The following MLLT3 variants were observed in gnomAD, a reference collection of about 807,000 sequenced individuals.
MLLT3 encodes MLLT3 super elongation complex subunit, also known as protein AF-9.
A neutral mutation model predicts 53.2 loss-of-function variants in MLLT3; 4 were observed. The observed-to-expected ratio is 0.08, with a 90% CI of 0.04 to 0.17. The LOEUF is 0.17. Ranked by LOEUF, MLLT3 falls within the 10% of genes least tolerant of loss-of-function variation. MLLT3 has a pLI of 1.00. For synonymous variants in MLLT3, 283 were observed against 230.6 expected, an observed-to-expected ratio of 1.23 and a Z score of -2.06; for missense variants, 569 against 684.0, an observed-to-expected ratio of 0.83 and a Z score of 1.87.
At chr9:20,580,132 T>C (rs892807560) in intron 2 of MLLT3, among the ~76,000 whole-genome samples, 1 of 152,180 alleles carries the variant, frequency 6.6e-6, no homozygotes, top group East Asian at 1.9e-4. Context: ...ATCTTAGTCA[T>C]TCACACAGGC....
intron 2 of MLLT3, among the ~76,000 whole-genome samples, chr9:20,557,305 CTGGT>C (rs1819086026): frequency 6.6e-6 from 1 of 151,988 alleles, no homozygotes; most frequent in Non-Finnish European, 1.5e-5. Context: ...AGCAGGTTAC[CTGGT>C]TTCAAAATCT....
chr9:20,348,946 T>G (rs1158961308), intron 10 of MLLT3, among the ~76,000 whole-genome samples: 3 of 151,496 alleles, frequency 2.0e-5, no homozygotes, highest in Non-Finnish European at 4.4e-5. Flanking sequence ...TCTGGAATAA[T>G]TTTTTTTTGC....
intron 2 of MLLT3, among the ~76,000 whole-genome samples, chr9:20,590,427 A>G (rs1344154526): frequency 6.6e-6 from 1 of 152,202 alleles, no homozygotes; most frequent in African/African-American, 2.4e-5. Context: ...TGATTAGACC[A>G]TGGGGGCAGT....
Position 20,448,097 on chromosome 9 carries a change from G to A in MLLT3, c.420+26C>T. On this transcript the variant is annotated intron_variant, in intron 4 of 10. Transcript: ENST00000380338. This position sits in a 1 kb window ranked among gnomAD's most constrained non-coding sequence, Gnocchi z 4.0. ...GTTGTTGTTGTTTTTTAATAGGAAT[G>A]CTTTTCACAAGAGAGTGCCACTTAC... 1 of 1,578,746 alleles carries A rather than the reference G, an allele frequency of 6.3e-7. No individual in the cohort carries two copies. Among genetic ancestry groups the A allele is most frequent in the Non-Finnish European group, 8.6e-7 (1 of 1,164,078 alleles).
chr9:20,341,703 G>A lies in MLLT3; in HGVS notation c.*4740C>T, dbSNP rs1175247524. ...AAACTGAATGTATTTTATTCTCTTT[G>A]TTGTAGTAGTTGTTCTCCTTCCTGT... On this transcript the variant is annotated 3_prime_UTR_variant, in exon 11 of 11. Coordinates refer to ENST00000380338, the MANE Select transcript of MLLT3 (RefSeq NM_004529.4). 4.4e-5 allele frequency: 8 copies of A among 183,402 alleles called. No homozygotes were observed. In the East Asian group the frequency reaches 7.1e-4, roughly 16 times the overall value. 11.4% of individuals were successfully genotyped at this position (183,402 alleles called of 1,614,324 possible). A position where few individuals can be genotyped will look rare whatever the true frequency, so the allele number is the denominator to read the frequency against.
At chr9:20,586,344 T>G (rs1226735168) in intron 2 of MLLT3, among the ~76,000 whole-genome samples, 1 of 144,740 alleles carries the variant, frequency 6.9e-6, no homozygotes, top group Non-Finnish European at 1.5e-5. Context: ...GTAATATGGA[T>G]GGGTATGGAT....
At chr9:20,455,892 G>A (rs560046836) in intron 3 of MLLT3, among the ~76,000 whole-genome samples, 1 of 148,170 alleles carries the variant, frequency 6.7e-6, no homozygotes, top group South Asian at 2.1e-4. Context: ...GTATTATACA[G>A]TCTGTGTGTT....
chr9:20,491,936 C>G (rs528333801), intron 2 of MLLT3, among the ~76,000 whole-genome samples: 2 of 151,964 alleles, frequency 1.3e-5, no homozygotes, highest in African/African-American at 4.8e-5. Flanking sequence ...TAAACCAACC[C>G]TGGAATTCCA....
chr9:20,354,772 T>C, intron 9 of MLLT3, 36 bp downstream of exon 9: 1 of 1,342,736 alleles, frequency 7.4e-7, no homozygotes. Context: ...GGCTTGTCAG[T>C]GTTGGAGCCC....
intron 2 of MLLT3, among the ~76,000 whole-genome samples, chr9:20,533,644 A>G (rs1818401101): frequency 6.6e-6 from 1 of 152,256 alleles, no homozygotes; most frequent in South Asian, 2.1e-4. Context: ...TAGCCAAGAT[A>G]TGAAAACAAG....
chr9:20,609,540 A>T (rs1468160850), intron 2 of MLLT3, among the ~76,000 whole-genome samples: 1 of 152,108 alleles, frequency 6.6e-6, no homozygotes, highest in African/African-American at 2.4e-5. Context: ...TTCAAGGTCT[A>T]TTTTATGTAA....
chr9:20,398,243 A>G (rs1032210909), intron 5 of MLLT3, among the ~76,000 whole-genome samples: 17 of 151,850 alleles, frequency 1.1e-4, no homozygotes, highest in African/African-American at 3.4e-4. Flanking sequence ...GTGCCACCAC[A>G]CTCAGCTTAT....
intron 2 of MLLT3, among the ~76,000 whole-genome samples, chr9:20,579,298 A>C (rs994644751): frequency 3.3e-5 from 5 of 152,164 alleles, no homozygotes; most frequent in Non-Finnish European, 5.9e-5. Context: ...TGAGCACAGG[A>C]GTCAAAGGCT....
intron 5 of MLLT3, among the ~76,000 whole-genome samples, chr9:20,395,861 C>T (rs1822308718): frequency 6.6e-6 from 1 of 152,034 alleles, no homozygotes; most frequent in Non-Finnish European, 1.5e-5. Flanking sequence ...GTTGAAGAGC[C>T]AACAAAAGTA....
chr9:20,466,594 T>C (rs1005378485), intron 2 of MLLT3, among the ~76,000 whole-genome samples: 2 of 152,146 alleles, frequency 1.3e-5, no homozygotes, highest in African/African-American at 4.8e-5. Context: ...TGGCATGTCT[T>C]TGGGCTAAAT....
intron 2 of MLLT3, among the ~76,000 whole-genome samples, chr9:20,498,126 C>T (rs192330890): frequency 7.5e-5 from 11 of 147,230 alleles, no homozygotes; most frequent in Admixed American, 7.0e-4. Flanking sequence ...AGGAGGCTGA[C>T]GCAGAGAATC....
intron 5 of MLLT3, among the ~76,000 whole-genome samples, chr9:20,398,254 T>C (rs1424169774): frequency 1.3e-5 from 2 of 151,986 alleles, no homozygotes; most frequent in Admixed American, 1.3e-4. Flanking sequence ...CTCAGCTTAT[T>C]TTTTAGTTTT....
At chr9:20,622,164 G>A (rs966584461) in intron 1 of MLLT3, 81 bp downstream of exon 1, 2 of 1,439,822 alleles carry the variant, frequency 1.4e-6, no homozygotes, top group South Asian at 1.2e-5. Context: ...GCGGAGCGCT[G>A]GCGCTGTCTG....
intron 2 of MLLT3, among the ~76,000 whole-genome samples, chr9:20,600,708 C>G (rs1820399163): frequency 6.6e-6 from 1 of 152,178 alleles, no homozygotes; most frequent in African/African-American, 2.4e-5. Context: ...TCTTTCAAAG[C>G]CAGAACTGAC....
Sources: gnomAD v4.1 joint callset for allele counts (sites outside exome capture counted in the v4.1 genomes callset) on GRCh38, gnomAD v4.1.1 for gene constraint, Gnocchi (gnomAD v3.1) non-coding constraint, MANE v1.5 for transcripts, NCBI Gene and HGNC (gene_info 2026-07-23, HGNC 2026-07-21) for gene names.